URGCP: variants seen among roughly 807,000 people sequenced by gnomAD.
URGCP encodes upregulator of cell proliferation, also known as up-regulator of cell proliferation.
In URGCP, 13 loss-of-function variants were observed where a neutral mutation model predicts 24.6. The observed-to-expected ratio is 0.53, with a 90% CI of 0.34 to 0.84. The LOEUF (loss-of-function observed/expected upper bound fraction) is 0.84, where lower values mean the gene tolerates loss of function less well. URGCP is among the 40% of genes least tolerant of loss of function. The pLI, the probability that URGCP is intolerant of heterozygous loss-of-function variation, is 0.01. For missense variants in URGCP, 899 were observed against 1,194.3 expected (o/e 0.75, Z 3.64); for synonymous variants, 444 against 487.2 (o/e 0.91, Z 1.17).
upstream of URGCP, chr7:43,926,590 G>T: frequency 6.4e-7 from 1 of 1,552,072 alleles, no homozygotes; most frequent in African/African-American, 1.4e-5. Flanking sequence ...CTCTTTGGGT[G>T]TCCGAAGCGT....
At chr7:43,908,647 T>C (rs2095906792), upstream of URGCP, among the ~76,000 whole-genome samples, 1 of 152,326 alleles carries the variant, frequency 6.6e-6, no homozygotes, top group South Asian at 2.1e-4. Flanking sequence ...TTTCATAGGA[T>C]AGCGTACAAG....
At chr7:43,906,500 G>A (rs2095903269) in intron 1 of URGCP, 62 bp downstream of exon 1, 1 of 1,165,708 alleles carries the variant, frequency 8.6e-7, no homozygotes, top group East Asian at 4.3e-5. Context: ...GAGCCGCTCC[G>A]GGTCCCGCTC....
rs751639584 is a variant in URGCP, at chr7:43,877,737, G to A, written c.1726C>T (p.Arg576Trp). ...TGTCTCAGTCGCGGCTGGGCCACCC[G>A]TGCCAGGCCCCACTCCATCCACCTC... ...FLRWMEWGLA[R>W]VAQPRLRQPP... The change falls in exon 6 of 6, where the codon CGG (arginine) becomes TGG (tryptophan). Residue 576 changes from arginine to tryptophan, a missense_variant. By Grantham distance (101) the Arg-to-Trp change is moderately radical (BLOSUM62 -3). Transcript: ENST00000453200. The A allele has an allele frequency of 1.4e-5, 22 of 1,608,618 alleles. No individual in the cohort carries two copies. The highest frequency in any genetic ancestry group is 2.7e-5 in the African/African-American group (2 of 74,852).
In URGCP at chr7:43,877,718, A is replaced by C; in HGVS notation, c.1745T>G (p.Leu582Arg). ...GAGAAGCGTCTCCGGAGGCTGTCTC[A>C]GTCGCGGCTGGGCCACCCGTGCCAG... ...WGLARVAQPR[L>R]RQPPETLLTL... The change falls in exon 6 of 6, where the codon CTG (leucine) becomes CGG (arginine). Residue 582 changes from leucine to arginine, a missense_variant. Transcript: ENST00000453200. The C allele has an allele frequency of 6.2e-7, 1 of 1,612,318 alleles. No homozygotes were observed. The highest frequency in any genetic ancestry group is 8.5e-7 in the Non-Finnish European group (1 of 1,179,402).
chr7:43,920,166 A>C, intron 1 of URGCP: 58 of 594,484 alleles, frequency 9.8e-5, no homozygotes, highest in East Asian at 1.4e-4. Flanking sequence ...TCTCTTTCTC[A>C]TATACATGCA....
chr7:43,895,573 G>A (rs553095448), intron 1 of URGCP, among the ~76,000 whole-genome samples: 33 of 152,358 alleles, frequency 2.2e-4, no homozygotes, highest in African/African-American at 7.2e-4. Context: ...TACTCAGGAG[G>A]CTGAGGCATG....
chr7:43,883,868 C>T (rs980294627), intron 3 of URGCP, among the ~76,000 whole-genome samples: 1 of 152,050 alleles, frequency 6.6e-6, no homozygotes, highest in Non-Finnish European at 1.5e-5. Flanking sequence ...AGAGAAGGCA[C>T]AAGATCCACA....
chr7:43,914,866 G>A (rs1037306865), intron 1 of URGCP, among the ~76,000 whole-genome samples: 10 of 152,148 alleles, frequency 6.6e-5, no homozygotes, highest in African/African-American at 1.2e-4. Flanking sequence ...GCCATATGCC[G>A]CACAGGTCAT....
At chr7:43,894,756 T>C (rs906819661) in intron 1 of URGCP, among the ~76,000 whole-genome samples, 3 of 152,178 alleles carry the variant, frequency 2.0e-5, no homozygotes, top group African/African-American at 7.2e-5. Context: ...GAGGCCAGGC[T>C]TGGTGGCTCA....
upstream of URGCP, chr7:43,907,155 T>A (rs1169958214): frequency 2.0e-5 from 3 of 152,090 alleles, no homozygotes; most frequent in East Asian, 1.9e-4. Context: ...AAATAATGAA[T>A]CTGCAGTTCC....
At position 43,884,209 on chromosome 7, in the gene URGCP, C is replaced by T. The variant is rs368135248; in HGVS notation, c.113-2252G>A. 5.3e-5 allele frequency among the ~76,000 whole-genome samples: 8 copies of T among 152,248 alleles called. No homozygotes were observed. In the South Asian group the frequency reaches 1.7e-3, roughly 32 times the overall value. ...CTGAGGGTTACCAAACTAAGGAAAC[C>T]ACTGACTAGGGTTCGGAGAGAGCCT... On this transcript the variant is annotated intron_variant, in intron 3 of 5. Transcript: ENST00000453200.
chr7:43,920,750 A>C (rs1427584332), intron 1 of URGCP, among the ~76,000 whole-genome samples: 1 of 152,172 alleles, frequency 6.6e-6, no homozygotes, highest in East Asian at 1.9e-4. Context: ...TGAGAAGAAC[A>C]GAAAAGGTGC....
chr7:43,903,881 T>C (rs570633477), intron 1 of URGCP, among the ~76,000 whole-genome samples: 4 of 152,152 alleles, frequency 2.6e-5, no homozygotes, highest in Non-Finnish European at 5.9e-5. Flanking sequence ...AGATGGATTA[T>C]AGAGCCCAAG....
At chr7:43,924,557 A>G (rs1273072695) in intron 1 of URGCP, among the ~76,000 whole-genome samples, 5 of 152,334 alleles carry the variant, frequency 3.3e-5, no homozygotes, top group Admixed American at 2.6e-4. Context: ...TCAATAATGT[A>G]GGAGGATGGA....
chr7:43,906,581 C>A lies in URGCP; in HGVS notation c.-6G>T. 1.6e-6 allele frequency: 2 copies of A among 1,238,786 alleles called. No homozygotes were observed. The highest frequency in any genetic ancestry group is 1.0e-6 in the Non-Finnish European group (1 of 983,008). The allele number at this position is 1,238,786 out of a possible 1,614,324, so 76.7% of individuals were successfully genotyped here. ...ACTCACCCGGGCGACGCCATGAGCGCAGCGAGGTCTCCGCTCCCGCCTCCT... is the reference window on the plus strand; with the variant it reads ...ACTCACCCGGGCGACGCCATGAGCGAAGCGAGGTCTCCGCTCCCGCCTCCT... On this transcript the variant is annotated 5_prime_UTR_variant, in exon 1 of 6. Coordinates refer to ENST00000453200, the MANE Select transcript of URGCP (RefSeq NM_001077663.3).
At chr7:43,914,597 C>G (rs2095913582) in intron 1 of URGCP, among the ~76,000 whole-genome samples, 4 of 152,162 alleles carry the variant, frequency 2.6e-5, no homozygotes, top group East Asian at 1.9e-4. Flanking sequence ...ATCACAGCAA[C>G]TCCATCTTGA....
chr7:43,890,507 C>T (rs1404440283), intron 1 of URGCP, among the ~76,000 whole-genome samples: 3 of 152,168 alleles, frequency 2.0e-5, no homozygotes, highest in South Asian at 2.1e-4. Flanking sequence ...TGAACCACCG[C>T]GCCCAGCCAT....
chr7:43,880,780 C>G (rs1020324599), intron 5 of URGCP, among the ~76,000 whole-genome samples: 1 of 152,204 alleles, frequency 6.6e-6, no homozygotes, highest in African/African-American at 2.4e-5. Context: ...TGCCCTGCAG[C>G]CTTTTTTCCA....
In URGCP at chr7:43,877,660, G is replaced by A. The variant is rs2232104; in HGVS notation, c.1803C>T (p.Asp601=). 2,583 of 1,614,076 alleles carry A rather than the reference G, an allele frequency of 1.6e-3. 50 individuals carry two copies. In the African/African-American group the frequency reaches 0.031, roughly 19 times the overall value. ...TLRPKHGGTT[D]VGEPLWPEPL... ...GCTCAGGCCAGAGCGGCTCCCCCAC[G>A]TCTGTGGTGCCCCCATGCTTTGGTC... Residue 601 remains aspartate (D), a synonymous_variant, in exon 6 of 6, where the codon GAC becomes GAT. Transcript: ENST00000453200.
Sources: gnomAD v4.1 joint callset for allele counts (sites outside exome capture counted in the v4.1 genomes callset) on GRCh38, gnomAD v4.1.1 for gene constraint, MANE v1.5 for transcripts, NCBI Gene and HGNC (gene_info 2026-07-23, HGNC 2026-07-21) for gene names.